NCAM1: variants seen among roughly 807,000 people sequenced by gnomAD.
NCAM1 encodes the protein neural cell adhesion molecule 1.
NCAM1 carries 14 observed loss-of-function variants against 109.8 expected under a neutral mutation model. The observed-to-expected ratio is 0.13, with a 90% confidence interval of 0.08 to 0.20. NCAM1 has a LOEUF of 0.20. Among genes scored for constraint, NCAM1 ranks in the 10% least tolerant of loss-of-function variants. NCAM1 has a pLI of 1.00. For missense variants in NCAM1, 774 were observed against 1,109.9 expected (o/e 0.70, Z 4.30); for synonymous variants, 418 against 442.9 (o/e 0.94, Z 0.70).
rs1483204963 is a variant in NCAM1, at chr11:113,117,182, T to G, written c.53-85197T>G. 2.0e-5 allele frequency among the ~76,000 whole-genome samples: 3 copies of G among 151,956 alleles called. No individual in the cohort carries two copies. In the East Asian group the frequency reaches 5.8e-4, roughly 29 times the overall value. ...TATTTCATCTCATCTGCATAAGCCA[T>G]TTAGTGGCCAGCAAAAACTGTTATG... On this transcript the variant is annotated intron_variant, in intron 1 of 19. Coordinates refer to ENST00000316851, the MANE Select transcript of NCAM1 (RefSeq NM_181351.5).
At chr11:113,131,249 A>ATGTGATTAGCAGTGAGCCCTG (rs1331130614) in intron 1 of NCAM1, among the ~76,000 whole-genome samples, 2 of 152,040 alleles carry the variant, frequency 1.3e-5, no homozygotes, top group Non-Finnish European at 2.9e-5. Context: ...AAACTAGTTG[A>ATGTGATTAGCAGTGAGCCCTG]TGTGATTAGC....
intron 1 of NCAM1, among the ~76,000 whole-genome samples, chr11:113,079,032 A>T (rs916993146): frequency 6.6e-6 from 1 of 152,024 alleles, no homozygotes; most frequent in East Asian, 1.9e-4. Context: ...GGGAGAGCTG[A>T]CTCAACAACG....
chr11:112,990,948 G>A (rs1039397508), intron 1 of NCAM1, among the ~76,000 whole-genome samples: 5 of 152,148 alleles, frequency 3.3e-5, no homozygotes, highest in Non-Finnish European at 7.3e-5. Flanking sequence ...GGCTGTTTAA[G>A]CTTCCATAAA....
intron 1 of NCAM1, among the ~76,000 whole-genome samples, chr11:113,039,275 T>G (rs900264171): frequency 5.9e-5 from 9 of 152,250 alleles, no homozygotes; most frequent in African/African-American, 1.9e-4. Context: ...TGTGCTCTTC[T>G]CTTCTACTCC....
intron 1 of NCAM1, among the ~76,000 whole-genome samples, chr11:113,019,924 G>T (rs1952334248): frequency 6.6e-6 from 1 of 152,160 alleles, no homozygotes; most frequent in African/African-American, 2.4e-5. Flanking sequence ...GGTAGTCTTT[G>T]TTAATGATGT....
At position 113,232,750 on chromosome 11, in the gene NCAM1, C is replaced by T; in HGVS notation, c.1458C>T (p.Asn486=). 1 of 1,613,948 alleles carries T rather than the reference C, an allele frequency of 6.2e-7. No individual in the cohort carries two copies. Among genetic ancestry groups the T allele is most frequent in the East Asian group, 2.2e-5 (1 of 44,884 alleles). Residue 486 remains asparagine (N), a synonymous_variant, in exon 12 of 20, where the codon AAC becomes AAT. Transcript: ENST00000316851. ...VTPDSENDFG[N]YNCTAVNRIG... ...CAGACTCTGAGAATGATTTTGGGAACTACAACTGTACTGCAGTGAACCGCA... is the reference window on the plus strand; with the variant it reads ...CAGACTCTGAGAATGATTTTGGGAATTACAACTGTACTGCAGTGAACCGCA...
In NCAM1 at chr11:113,152,281, G is replaced by A. The variant is rs534153323; in HGVS notation, c.53-50098G>A. On this transcript the variant is annotated intron_variant, in intron 1 of 19. Transcript: ENST00000316851. ...AAACCCAGGTGTAAAGGCTGCAGAA[G>A]TCTTGCTGTGGATGGGCTGTGTTTC... 1.1e-3 allele frequency among the ~76,000 whole-genome samples: 162 copies of A among 152,338 alleles called. No homozygotes were observed. In the Middle Eastern group the frequency reaches 0.017, roughly 16 times the overall value.
intron 17 of NCAM1, chr11:113,264,297 C>G (rs1163583176): frequency 2.0e-6 from 2 of 985,210 alleles, no homozygotes; most frequent in African/African-American, 3.5e-5. Context: ...CTTTGGGATT[C>G]CAAATGATCC....
At chr11:113,033,054 C>T (rs114774666) in intron 1 of NCAM1, among the ~76,000 whole-genome samples, 229 of 152,292 alleles carry the variant, frequency 1.5e-3, no homozygotes, top group African/African-American at 4.9e-3. Context: ...AGATTGGCAT[C>T]CACAGTAATT....
chr11:113,161,323 C>T (rs1230904991), intron 1 of NCAM1, among the ~76,000 whole-genome samples: 6 of 152,172 alleles, frequency 3.9e-5, no homozygotes, highest in African/African-American at 1.4e-4. Flanking sequence ...CTTACATCTA[C>T]ATAGTATTTT....
intron 1 of NCAM1, among the ~76,000 whole-genome samples, chr11:113,110,941 C>A (rs1036602036): frequency 2.2e-4 from 34 of 152,144 alleles, no homozygotes; most frequent in African/African-American, 8.0e-4. Flanking sequence ...CTAAATTTTA[C>A]CAGGTCCCAG....
Position 113,124,173 on chromosome 11 carries a change from G to A in NCAM1, c.53-78206G>A, listed in dbSNP as rs543052578. ...GCTACTCTCACTAGGCAGAAGACCC[G>A]GAGCTAATTCCACCTGCTGTCTTCT... On this transcript the variant is annotated intron_variant, in intron 1 of 19. Transcript: ENST00000316851. Among the ~76,000 whole-genome samples the A allele has an allele frequency of 1.6e-4, 25 of 152,298 alleles. 1 individual carries two copies. The highest frequency in any genetic ancestry group is 3.1e-4 in the African/African-American group (13 of 41,554).
rs59178181 is a variant in NCAM1 at position 112,964,155 on chromosome 11, GTTT to G, written c.52+2499_52+2501del. 3.7e-5 allele frequency among the ~76,000 whole-genome samples: 4 copies of G among 107,458 alleles called. No homozygotes were observed. The South Asian group carries it at 1.0e-3, about 27-fold the overall frequency. The allele number at this position is 107,458 out of a possible 152,430, so 70.5% of individuals were successfully genotyped here. Reference sequence around the variant, plus strand: ...TTTTTTTTTTGTTTTTTTTTTTTTTGTTTTTTTTTTGGACTCAAATGTAGCATG... The same window carrying G: ...TTTTTTTTTTGTTTTTTTTTTTTTTGTTTTTTTGGACTCAAATGTAGCATG... On this transcript the variant is annotated intron_variant, in intron 1 of 19. Transcript: ENST00000316851.
At position 113,258,591 on chromosome 11, in the gene NCAM1, G is replaced by T. The variant is rs117904944; in HGVS notation, c.1954-1555G>T. 6.2e-3 allele frequency among the ~76,000 whole-genome samples: 951 copies of T among 152,272 alleles called. 7 individuals carry two copies. Among genetic ancestry groups the T allele is most frequent in the Admixed American group, 0.015 (229 of 15,298 alleles). On this transcript the variant is annotated intron_variant, in intron 16 of 19. Transcript: ENST00000316851. ...GCCAAGTGTTTGATAGATCAGTAGG[G>T]TGACTGTAGTTCACAATTACCTATT...
chr11:113,160,328 T>C (rs1378760160), intron 1 of NCAM1, among the ~76,000 whole-genome samples: 1 of 152,196 alleles, frequency 6.6e-6, no homozygotes, highest in Non-Finnish European at 1.5e-5. Flanking sequence ...TCCTCTTTAG[T>C]TCTGCTTCGC....
At chr11:113,068,512 G>A (rs1184070663) in intron 1 of NCAM1, among the ~76,000 whole-genome samples, 2 of 152,150 alleles carry the variant, frequency 1.3e-5, no homozygotes, top group South Asian at 2.1e-4. Context: ...GAATATTAGA[G>A]TTCTGCAAAA....
At chr11:113,050,897 C>A (rs1218077599) in intron 1 of NCAM1, among the ~76,000 whole-genome samples, 1 of 152,156 alleles carries the variant, frequency 6.6e-6, no homozygotes, top group African/African-American at 2.4e-5. Flanking sequence ...ATTTCTGAGA[C>A]AAAATTTTCA....
chr11:113,069,787 G>A (rs114332755), intron 1 of NCAM1, among the ~76,000 whole-genome samples: 6 of 152,176 alleles, frequency 3.9e-5, no homozygotes, highest in South Asian at 2.1e-4. Context: ...CATTATTTTG[G>A]TAGACGGGAG....
chr11:113,258,403 C>T (rs1486726435), intron 16 of NCAM1, among the ~76,000 whole-genome samples: 2 of 152,146 alleles, frequency 1.3e-5, no homozygotes, highest in Non-Finnish European at 2.9e-5. Context: ...CTATTTGCTG[C>T]CGTTGTAGAG....
Sources: allele counts gnomAD v4.1 joint callset (sites outside exome capture counted in the v4.1 genomes callset), GRCh38; gene constraint gnomAD v4.1.1; transcripts MANE v1.5; gene names NCBI Gene and HGNC (gene_info 2026-07-23, HGNC 2026-07-21).